Variants in RXFP1 observed in about 807,000 individuals in gnomAD.
The protein encoded by RXFP1 is relaxin family peptide receptor 1.
Under a neutral mutation model 89.8 loss-of-function variants are expected in RXFP1, and 73 were observed. That is an observed-to-expected ratio of 0.81 (90% CI 0.67 to 0.99). The LOEUF is 0.99. Ranked by LOEUF, RXFP1 falls within the 50% of genes least tolerant of loss-of-function variation. The pLI, the probability that RXFP1 is intolerant of heterozygous loss-of-function variation, is 0.00. For missense variants in RXFP1, 793 were observed against 895.5 expected (o/e 0.89, Z 1.46); for synonymous variants, 277 against 305.5 (o/e 0.91, Z 0.97).
At chr4:158,597,095 C>T (rs976786805) in intron 3 of RXFP1, among the ~76,000 whole-genome samples, 7 of 152,078 alleles carry the variant, frequency 4.6e-5, no homozygotes, top group Admixed American at 1.3e-4. Context: ...AACTTGAAAA[C>T]AGTGTAAAAA....
intron 1 of RXFP1, chr4:158,544,094 A>AC (rs1747563624): frequency 1.0e-6 from 1 of 979,964 alleles, no homozygotes; most frequent in Admixed American, 6.1e-5. Flanking sequence ...TAACAAGAGA[A>AC]CCATCTTTTT....
At chr4:158,581,237 A>G (rs566302475) in intron 2 of RXFP1, among the ~76,000 whole-genome samples, 6 of 152,242 alleles carry the variant, frequency 3.9e-5, no homozygotes, top group Non-Finnish European at 2.9e-5. Flanking sequence ...CTTTAAGCAC[A>G]TTCTCTCATT....
At chr4:158,576,173 A>G (rs1756153930) in intron 2 of RXFP1, among the ~76,000 whole-genome samples, 1 of 152,226 alleles carries the variant, frequency 6.6e-6, no homozygotes, top group African/African-American at 2.4e-5. Flanking sequence ...TTATGCCAGA[A>G]TCACATAACT....
chr4:158,600,590 T>G (rs1323619112), intron 4 of RXFP1, among the ~76,000 whole-genome samples: 8 of 152,196 alleles, frequency 5.3e-5, no homozygotes, highest in Non-Finnish European at 8.8e-5. Flanking sequence ...TTCTCTGATT[T>G]AAATTCTAAC....
chr4:158,538,049 A>G lies in RXFP1; in HGVS notation c.49+16024A>G, dbSNP rs73860518. On this transcript the variant is annotated intron_variant, in intron 1 of 17. Coordinates refer to ENST00000307765, the MANE Select transcript of RXFP1 (RefSeq NM_021634.4). ...TCTAAAGTCAGACCAAACCTAGCAC[A>G]TCAAGAGAGAACAGTGTTTGTAGGT... Among the ~76,000 whole-genome samples the G allele has an allele frequency of 1.0e-2, 1,520 of 152,318 alleles. 24 individuals are homozygous for G. Among genetic ancestry groups the G allele is most frequent in the African/African-American group, 0.034 (1,408 of 41,572 alleles).
chr4:158,602,936 TG>T (rs1442821694), intron 4 of RXFP1, among the ~76,000 whole-genome samples: 7 of 152,216 alleles, frequency 4.6e-5, no homozygotes. Context: ...TTTGTTTGTT[TG>T]TTTTTTGTAA....
chr4:158,650,496 C>G (rs1387702552), intron 17 of RXFP1, among the ~76,000 whole-genome samples: 1 of 150,990 alleles, frequency 6.6e-6, no homozygotes, highest in Non-Finnish European at 1.5e-5. Flanking sequence ...TAGCAGGGCG[C>G]AGTGGCTCAC....
At chr4:158,643,179 A>G (rs1770719190) in intron 14 of RXFP1, among the ~76,000 whole-genome samples, 1 of 152,112 alleles carries the variant, frequency 6.6e-6, no homozygotes, top group Admixed American at 6.5e-5. Flanking sequence ...GCCTTTTCCT[A>G]TTGGCACAGC....
At chr4:158,635,758 C>T (rs545772162) in intron 12 of RXFP1, among the ~76,000 whole-genome samples, 15 of 152,236 alleles carry the variant, frequency 9.9e-5, no homozygotes, top group African/African-American at 3.4e-4. Context: ...CTCTTTCCTT[C>T]TTTCTGTAAC....
chr4:158,632,739 A>G (rs953846318), intron 11 of RXFP1, among the ~76,000 whole-genome samples: 5 of 152,224 alleles, frequency 3.3e-5, no homozygotes, highest in African/African-American at 1.2e-4. Flanking sequence ...ATACACTTCC[A>G]TAATAATCAC....
At chr4:158,587,116 G>A (rs1180041960) in intron 2 of RXFP1, among the ~76,000 whole-genome samples, 1 of 152,154 alleles carries the variant, frequency 6.6e-6, no homozygotes, top group African/African-American at 2.4e-5. Flanking sequence ...CCTGAGGTAG[G>A]TGGATGTGGC....
chr4:158,585,932 A>AC (rs1579838064), intron 2 of RXFP1, among the ~76,000 whole-genome samples: 2 of 152,230 alleles, frequency 1.3e-5, no homozygotes, highest in East Asian at 3.9e-4. Flanking sequence ...TAAAAGCAAT[A>AC]CACTCCGAGT....
At chr4:158,570,934 C>G (rs1391707530) in intron 1 of RXFP1, among the ~76,000 whole-genome samples, 1 of 152,114 alleles carries the variant, frequency 6.6e-6, no homozygotes, top group Non-Finnish European at 1.5e-5. Flanking sequence ...AAGCCTCTTC[C>G]TCACCACTTT....
At chr4:158,539,703 C>A (rs1252579602) in intron 1 of RXFP1, among the ~76,000 whole-genome samples, 1 of 152,136 alleles carries the variant, frequency 6.6e-6, no homozygotes, top group Non-Finnish European at 1.5e-5. Context: ...CTTACAATTT[C>A]ATGGATTGAT....
chr4:158,547,729 A>G lies in RXFP1; in HGVS notation c.50-24969A>G, dbSNP rs184427745. On this transcript the variant is annotated intron_variant, in intron 1 of 17. Coordinates refer to ENST00000307765, the MANE Select transcript of RXFP1 (RefSeq NM_021634.4). The stretch of plus-strand genomic sequence containing the variant: ...TGTACCCAATAGTCATTCAGGAGCA[A>G]GTTGTTCAGTTTCCATGTAGTTGAG... 1.3e-3 allele frequency among the ~76,000 whole-genome samples: 200 copies of G among 152,094 alleles called. 1 individual carries two copies. The highest frequency in any genetic ancestry group is 3.4e-3 in the Middle Eastern group (1 of 294).
At chr4:158,634,750 G>T (rs1768809786) in intron 12 of RXFP1, among the ~76,000 whole-genome samples, 1 of 152,024 alleles carries the variant, frequency 6.6e-6, no homozygotes, top group Non-Finnish European at 1.5e-5. Context: ...TTTGCATGTG[G>T]ATGTCCAGTT....
chr4:158,548,946 G>A (rs1416416120), intron 1 of RXFP1, among the ~76,000 whole-genome samples: 7 of 151,634 alleles, frequency 4.6e-5, no homozygotes, highest in South Asian at 2.1e-4. Flanking sequence ...TGCTCTTCTC[G>A]AGGAGTATCT....
At position 158,576,559 on chromosome 4, in the gene RXFP1, G is replaced by T. The variant is rs929163773; in HGVS notation, c.187+3724G>T. 3.3e-5 allele frequency among the ~76,000 whole-genome samples: 5 copies of T among 152,068 alleles called. No individual in the cohort carries two copies. The East Asian group carries it at 7.7e-4, about 23-fold the overall frequency. ...ATACACGCTAAGTTTTGAGAACCAT[G>T]AACCTAAACCCAATGAGCAGAAAAT... On this transcript the variant is annotated intron_variant, in intron 2 of 17. Transcript: ENST00000307765.
intron 14 of RXFP1, among the ~76,000 whole-genome samples, chr4:158,641,748 T>C (rs1168002392): frequency 6.6e-6 from 1 of 152,184 alleles, no homozygotes; most frequent in Non-Finnish European, 1.5e-5. Flanking sequence ...TATAGACAAA[T>C]AGATCTAATT....
Sources: allele counts gnomAD v4.1 joint callset (sites outside exome capture counted in the v4.1 genomes callset), GRCh38; gene constraint gnomAD v4.1.1; transcripts MANE v1.5; gene names NCBI Gene and HGNC (gene_info 2026-07-23, HGNC 2026-07-21).